The following MON2 variants were observed in gnomAD, a reference collection of about 807,000 sequenced individuals.
MON2 encodes the protein protein MON2 homolog.
Under a neutral mutation model 208.6 loss-of-function variants are expected in MON2, and 84 were observed. The ratio of observed to expected loss-of-function variants is 0.40; its 90% CI spans 0.34 to 0.48. The LOEUF is 0.48. Among genes scored for constraint, MON2 ranks in the 20% least tolerant of loss-of-function variants. The pLI is 0.59. For missense variants in MON2, 1,611 were observed against 2,015.4 expected (o/e 0.80, Z 3.84); for synonymous variants, 660 against 694.0 (o/e 0.95, Z 0.77).
intron 6 of MON2, 79 bp downstream of exon 6, chr12:62,500,959 A>G: frequency 2.5e-6 from 2 of 809,348 alleles, no homozygotes; most frequent in Non-Finnish European, 3.8e-6. Context: ...TTTATGTCTA[A>G]TTTTTTTAAT....
chr12:62,566,206 A>G, intron 28 of MON2, 116 bp from the exon 29 acceptor site: 2 of 1,390,936 alleles, frequency 1.4e-6, no homozygotes, highest in Non-Finnish European at 2.0e-6. Context: ...ATGTAATATA[A>G]TCTGACCTAA....
rs1421352257 is a variant in MON2 at position 62,565,379 on chromosome 12, A to G, written c.4175A>G (p.Gln1392Arg). 10 of 1,603,388 alleles carry G rather than the reference A, an allele frequency of 6.2e-6. No homozygotes were observed. Among genetic ancestry groups the G allele is most frequent in the East Asian group, 2.2e-5 (1 of 44,702 alleles). ...TKHIANAKYN[Q>R]IQLFAPAEWV... is the part of the protein sequence containing the mutation. ...CACATTGCAAATGCAAAATATAATC[A>G]GGTAATTTACTGTAAATTTTATTTA... Residue 1392 changes from glutamine to arginine, a missense_variant and splice_region_variant, in exon 27 of 35, where the codon CAG (glutamine) becomes CGG (arginine). Coordinates refer to ENST00000393630, the MANE Select transcript of MON2 (RefSeq NM_015026.3).
intron 23 of MON2, among the ~76,000 whole-genome samples, chr12:62,550,640 A>G (rs528141699): frequency 2.0e-5 from 3 of 152,350 alleles, no homozygotes; most frequent in Admixed American, 6.5e-5. Flanking sequence ...TACAGGTTCT[A>G]CATCAGCACT....
chr12:62,588,529 G>A, intron 34 of MON2, among the ~76,000 whole-genome samples: 1 of 152,104 alleles, frequency 6.6e-6, no homozygotes, highest in Non-Finnish European at 1.5e-5. Flanking sequence ...GATACAAACT[G>A]TATAAATAAC....
chr12:62,592,556 C>T, intron 34 of MON2, 30 bp from the exon 35 acceptor site: 3 of 1,542,948 alleles, frequency 1.9e-6, no homozygotes, highest in East Asian at 2.3e-5. Flanking sequence ...TAATTCCACC[C>T]TTTTGAGGTT....
intron 4 of MON2, among the ~76,000 whole-genome samples, chr12:62,496,191 C>T (rs1162498662): frequency 6.6e-6 from 1 of 151,852 alleles, no homozygotes; most frequent in Non-Finnish European, 1.5e-5. Context: ...CTTATATGAG[C>T]TATATAAATA....
chr12:62,593,352 ATTGT>A lies in MON2; in HGVS notation c.*607_*610del, dbSNP rs943438183. The A allele has an allele frequency of 6.6e-6, 1 of 152,462 alleles. No individual in the cohort carries two copies. Among genetic ancestry groups the A allele is most frequent in the African/African-American group, 2.4e-5 (1 of 41,442 alleles). 9.4% of individuals were successfully genotyped at this position (152,462 alleles called of 1,614,324 possible). A position where few individuals can be genotyped will look rare whatever the true frequency, so the allele number is the denominator to read the frequency against. Reference sequence around the variant, plus strand: ...AAGCTCTATTTATTATTAATACAAAATTGTTTGCTTACATTTTTACTTATAATTT... The same window carrying A: ...AAGCTCTATTTATTATTAATACAAAATTGCTTACATTTTTACTTATAATTT... On this transcript the variant is annotated 3_prime_UTR_variant, in exon 35 of 35. Coordinates refer to ENST00000393630, the MANE Select transcript of MON2 (RefSeq NM_015026.3).
In MON2 at chr12:62,592,854, G is replaced by A; in HGVS notation, c.*105G>A. On this transcript the variant is annotated 3_prime_UTR_variant, in exon 35 of 35. Transcript: ENST00000393630. ...TTCTTACTGCAGATAATTCTTGGCAGCTGTTGTTGGCCTCCTTTAAATTCT... is the reference window on the plus strand; with the variant it reads ...TTCTTACTGCAGATAATTCTTGGCAACTGTTGTTGGCCTCCTTTAAATTCT... 2.6e-6 allele frequency: 3 copies of A among 1,172,824 alleles called. No homozygotes were observed. Among genetic ancestry groups the A allele is most frequent in the East Asian group, 2.4e-5 (1 of 41,710 alleles). 72.7% of individuals were successfully genotyped at this position (1,172,824 alleles called of 1,614,324 possible).
Position 62,566,840 on chromosome 12 carries a change from C to A in MON2, c.4323+390C>A, listed in dbSNP as rs549329663. 6.6e-5 allele frequency among the ~76,000 whole-genome samples: 10 copies of A among 152,026 alleles called. No homozygotes were observed. In the East Asian group the frequency reaches 1.9e-3, roughly 29 times the overall value. ...ACATGGCACATGTATACATATGTAACAAACCTGCATGTTGTGCACATGTAC... is the reference window on the plus strand; with the variant it reads ...ACATGGCACATGTATACATATGTAAAAAACCTGCATGTTGTGCACATGTAC... On this transcript the variant is annotated intron_variant, in intron 29 of 34. Transcript: ENST00000393630.
intron 26 of MON2, among the ~76,000 whole-genome samples, chr12:62,563,456 TTCTTG>T (rs1438247163): frequency 6.6e-6 from 1 of 152,148 alleles, no homozygotes; most frequent in Non-Finnish European, 1.5e-5. Flanking sequence ...TCAATATTTT[TTCTTG>T]TCTTCAAATA....
rs548146541 is a variant in MON2 at position 62,588,020 on chromosome 12, C to T, written c.4908-54C>T. On this transcript the variant is annotated intron_variant, in intron 33 of 34. Transcript: ENST00000393630. ...GTACAAACTTAGTTTAAAAAACAAA[C>T]ATACCTGGCAACTTTAAAATCTTAA... 34 of 1,187,168 alleles carry T rather than the reference C, an allele frequency of 2.9e-5. No homozygotes were observed. The South Asian group carries it at 4.4e-4, about 15-fold the overall frequency. The allele number at this position is 1,187,168 out of a possible 1,614,324, so 73.5% of individuals were successfully genotyped here. A position where few individuals can be genotyped will look rare whatever the true frequency, so the allele number is the denominator to read the frequency against.
intron 8 of MON2, among the ~76,000 whole-genome samples, chr12:62,513,386 C>T (rs148305544): frequency 0.032 from 4,921 of 151,930 alleles, 283 homozygotes; most frequent in African/African-American, 0.11. Flanking sequence ...CCCCCACACC[C>T]GGCTAATTTT....
chr12:62,515,492 T>A (rs898823837), intron 8 of MON2, among the ~76,000 whole-genome samples: 1 of 152,028 alleles, frequency 6.6e-6, no homozygotes, highest in East Asian at 1.9e-4. Context: ...TAGTGTTAAG[T>A]GGGTATAGCA....
Position 62,560,611 on chromosome 12 carries a change from C to G in MON2, c.3530C>G (p.Ser1177Cys), listed in dbSNP as rs775205815. The G allele has an allele frequency of 1.9e-6, 3 of 1,614,014 alleles. No individual in the cohort carries two copies. Among genetic ancestry groups the G allele is most frequent in the Non-Finnish European group, 2.5e-6 (3 of 1,179,988 alleles). ...TTCCAGGAAATTTTACAGATTGTGT[C>G]CCCTGTCAGAGACTCAGATAAGCCT... ...KSFQEILQIV[S>C]PVRDSDKPET... Residue 1177 changes from serine (S) to cysteine (C), a missense_variant, in exon 26 of 35, where the codon TCC becomes TGC. Transcript: ENST00000393630.
chr12:62,470,773 C>T (rs936110433), intron 1 of MON2: 3 of 1,079,474 alleles, frequency 2.8e-6, no homozygotes, highest in Admixed American at 5.2e-5. Flanking sequence ...GGAAATAGCA[C>T]ACGTTGTTAG....
At position 62,532,641 on chromosome 12, in the gene MON2, C is replaced by A; in HGVS notation, c.1604C>A (p.Ser535Ter). ...TCGACAGAACAGCAGGATTTACAGT[C>A]AACATCAGACCAAATGGATAAGGAA... ...TQSTEQQDLQ[S>*]TSDQMDKEIV... The change falls in exon 12 of 35, where the codon TCA becomes TAA. Residue 535 changes from serine to a stop codon, truncating the protein, a stop_gained. Coordinates refer to ENST00000393630, the MANE Select transcript of MON2 (RefSeq NM_015026.3). LOFTEE classifies it high-confidence loss of function. The A allele has an allele frequency of 6.2e-7, 1 of 1,612,396 alleles. No individual in the cohort carries two copies. The highest frequency in any genetic ancestry group is 1.1e-5 in the South Asian group (1 of 90,990).
chr12:62,563,213 A>T (rs1252186761), intron 26 of MON2, among the ~76,000 whole-genome samples: 1 of 152,180 alleles, frequency 6.6e-6, no homozygotes, highest in African/African-American at 2.4e-5. Flanking sequence ...TCTATACTTC[A>T]GCCTCCTCAT....
At position 62,499,002 on chromosome 12, in the gene MON2, T is replaced by C; in HGVS notation, c.519T>C (p.Val173=). 3 of 1,613,418 alleles carry C rather than the reference T, an allele frequency of 1.9e-6. No individual in the cohort carries two copies. The highest frequency in any genetic ancestry group is 1.7e-6 in the Non-Finnish European group (2 of 1,179,726). ...NTAAATVRQV[V]TVVFERMVAE... ...CTGCTGCTACAGTGCGACAAGTTGT[T>C]ACTGTTGTTTTTGAGAGGATGGTTG... The change falls in exon 5 of 35, where the codon GTT becomes GTC. Residue 173 remains valine (V), a synonymous_variant. Transcript: ENST00000393630.
At position 62,526,025 on chromosome 12, in the gene MON2, G is replaced by T. The variant is rs765972809; in HGVS notation, c.1323G>T (p.Leu441Phe). 6.2e-6 allele frequency: 10 copies of T among 1,613,824 alleles called. No individual in the cohort carries two copies. The Admixed American group carries it at 1.7e-4, about 27-fold the overall frequency. Residue 441 changes from leucine (L) to phenylalanine (F), a missense_variant, in exon 11 of 35, where the codon TTG (leucine) becomes TTT (phenylalanine). Physicochemically the swap from Leu to Phe is conservative, Grantham distance 22. Coordinates refer to ENST00000393630, the MANE Select transcript of MON2 (RefSeq NM_015026.3). ...GMVGIGGGVT[L>F]LPAFEYRGTW... ...TGGGGATTGGTGGAGGTGTTACTTT[G>T]CTACCAGCATTTGAATATAGGGGAA... is the stretch of plus-strand genomic sequence containing the variant.
Sources: gnomAD v4.1 joint callset for allele counts (sites outside exome capture counted in the v4.1 genomes callset) on GRCh38, gnomAD v4.1.1 for gene constraint, MANE v1.5 for transcripts, NCBI Gene and HGNC (gene_info 2026-07-23, HGNC 2026-07-21) for gene names.